The following SLC26A9 variants were observed in gnomAD, a reference collection of about 807,000 sequenced individuals.
The protein encoded by SLC26A9 is solute carrier family 26 member 9.
A neutral mutation model predicts 87.1 loss-of-function variants in SLC26A9; 46 were observed. That is an observed-to-expected ratio of 0.53 (90% CI 0.42 to 0.67). The LOEUF (loss-of-function observed/expected upper bound fraction) is 0.67. SLC26A9 is among the 30% of genes least tolerant of loss of function. The pLI is 0.00. For synonymous variants in SLC26A9, 437 were observed against 409.1 expected (o/e 1.07, Z -0.82); for missense variants, 927 against 1,018.3 (o/e 0.91, Z 1.22).
chr1:205,928,665 G>A (rs572742254), intron 8 of SLC26A9, among the ~76,000 whole-genome samples, 162 bp downstream of exon 8: 64 of 152,144 alleles, frequency 4.2e-4, no homozygotes, highest in Admixed American at 5.9e-4. Flanking sequence ...CTGGTTGTGC[G>A]GCCCTTCTCA....
chr1:205,926,521 T>C lies in SLC26A9; in HGVS notation c.1389+14A>G. The C allele has an allele frequency of 6.2e-7, 1 of 1,611,894 alleles. No individual in the cohort carries two copies. The highest frequency in any genetic ancestry group is 1.3e-5 in the African/African-American group (1 of 74,992). ...AGGGGCATGGCCAGTACCCAGAGGC[T>C]GCCCGATACTTACACAGTCCAGCTT... On this transcript the variant is annotated intron_variant, in intron 12 of 20. Transcript: ENST00000367135.
intron 5 of SLC26A9, 82 bp from the exon 6 acceptor site, chr1:205,930,138 G>A: frequency 2.1e-6 from 3 of 1,446,318 alleles, no homozygotes; most frequent in Non-Finnish European, 2.8e-6. Context: ...ACACACGCAG[G>A]TCTGGAGCTC....
chr1:205,934,157 A>G (rs1659418756), intron 2 of SLC26A9, among the ~76,000 whole-genome samples: 1 of 152,190 alleles, frequency 6.6e-6, no homozygotes, highest in Non-Finnish European at 1.5e-5. Context: ...CAACAAAGAC[A>G]ATGCTTTGTA....
intron 11 of SLC26A9, 100 bp from the exon 12 acceptor site, chr1:205,926,730 T>C: frequency 1.1e-6 from 1 of 931,628 alleles, no homozygotes; most frequent in South Asian, 1.4e-5. Flanking sequence ...AGAGACGGAG[T>C]TCTGGAACAC....
intron 2 of SLC26A9, among the ~76,000 whole-genome samples, chr1:205,934,078 G>C (rs7513587): frequency 0.011 from 1,662 of 152,268 alleles, 30 homozygotes; most frequent in African/African-American, 0.037. Flanking sequence ...ACCAATTCCT[G>C]CTCTTTGCTC....
chr1:205,928,133 G>T, intron 8 of SLC26A9, 84 bp from the exon 9 acceptor site: 3 of 1,498,470 alleles, frequency 2.0e-6, no homozygotes, highest in Non-Finnish European at 2.7e-6. Flanking sequence ...ACAGGGACCA[G>T]CCAGGCCCCC....
intron 12 of SLC26A9, chr1:205,924,765 C>A: frequency 2.6e-6 from 1 of 377,932 alleles, no homozygotes; most frequent in Non-Finnish European, 4.8e-6. Context: ...GAGCATGCAT[C>A]TTGGGTCAGA....
chr1:205,932,912 G>A (rs1434207462), intron 3 of SLC26A9, 33 bp downstream of exon 3: 3 of 1,612,216 alleles, frequency 1.9e-6, no homozygotes, highest in Non-Finnish European at 2.5e-6. Flanking sequence ...GAGGGGAGTG[G>A]CAATCCAGGC....
intron 5 of SLC26A9, among the ~76,000 whole-genome samples, chr1:205,931,465 G>GTTTTTTTTTTTTTTTTTTTTTTTT: frequency 1.0e-5 from 1 of 95,986 alleles, no homozygotes; most frequent in Non-Finnish European, 2.0e-5. Flanking sequence ...CCCTAACTTG[G>GTTTTTTTTTTTTTTTTTTTTTTTT]TTTTTTTTTT....
At chr1:205,932,159 T>A (rs11240596) in intron 4 of SLC26A9, 124 bp from the exon 5 acceptor site, 181,656 of 1,119,642 alleles carry the variant, frequency 0.16, 21,554 homozygotes, top group East Asian at 0.66. Flanking sequence ...AAGGCTCTTC[T>A]CCAACACAAT....
At chr1:205,929,707 T>C (rs1180812029) in intron 6 of SLC26A9, among the ~76,000 whole-genome samples, 185 bp downstream of exon 6, 1 of 152,166 alleles carries the variant, frequency 6.6e-6, no homozygotes, top group Non-Finnish European at 1.5e-5. Context: ...AGGGATTAAC[T>C]ACCAAGAACC....
intron 12 of SLC26A9, among the ~76,000 whole-genome samples, chr1:205,925,263 G>A (rs773647075): frequency 6.6e-6 from 1 of 152,192 alleles, no homozygotes; most frequent in Non-Finnish European, 1.5e-5. Flanking sequence ...AGCTGCGTGG[G>A]CCCTGACAGG....
intron 2 of SLC26A9, among the ~76,000 whole-genome samples, chr1:205,934,172 G>C (rs1659419176): frequency 6.6e-6 from 1 of 152,128 alleles, no homozygotes; most frequent in Admixed American, 6.5e-5. Flanking sequence ...TTTGTACCTT[G>C]GAAAGTCTGG....
At position 205,938,507 on chromosome 1, in the gene SLC26A9, T is replaced by G. The variant is rs543744222; in HGVS notation, c.-18-2669A>C. On this transcript the variant is annotated intron_variant, in intron 1 of 20. Coordinates refer to ENST00000367135, the MANE Select transcript of SLC26A9 (RefSeq NM_052934.4). Reference sequence around the variant, plus strand: ...CTCCTTATTTTGGCATTTTTGTTTTTTTATCCTCTGGCCTTGTATTGGTGG... The same window carrying G: ...CTCCTTATTTTGGCATTTTTGTTTTGTTATCCTCTGGCCTTGTATTGGTGG... Among the ~76,000 whole-genome samples the G allele has an allele frequency of 1.1e-4, 16 of 152,304 alleles. 1 individual carries two copies. The East Asian group carries it at 2.9e-3, about 28-fold the overall frequency.
intron 5 of SLC26A9, among the ~76,000 whole-genome samples, chr1:205,931,433 T>A (rs906879073): frequency 7.0e-6 from 1 of 142,610 alleles, no homozygotes; most frequent in Non-Finnish European, 1.5e-5. Flanking sequence ...AGCCCTGGGA[T>A]GGGGAGGAGG....
At chr1:205,935,892 GC>G (rs1271805253) in intron 1 of SLC26A9, 54 bp from the exon 2 acceptor site, 22 of 1,538,268 alleles carry the variant, frequency 1.4e-5, no homozygotes, top group Non-Finnish European at 1.8e-5. Flanking sequence ...CCTAGTGCCA[GC>G]CCAGGCCTTC....
At chr1:205,933,539 CCA>C (rs1659392388) in intron 2 of SLC26A9, among the ~76,000 whole-genome samples, 1 of 152,216 alleles carries the variant, frequency 6.6e-6, no homozygotes, top group African/African-American at 2.4e-5. Context: ...GCAGCAAACC[CCA>C]CCACGCATGG....
intron 6 of SLC26A9, among the ~76,000 whole-genome samples, 196 bp downstream of exon 6, chr1:205,929,696 C>T (rs1659228852): frequency 6.6e-6 from 1 of 152,168 alleles, no homozygotes; most frequent in South Asian, 2.1e-4. Context: ...CTCTTTTCTG[C>T]AGGGATTAAC....
chr1:205,928,978 T>A, intron 7 of SLC26A9, 69 bp from the exon 8 acceptor site: 1 of 1,568,648 alleles, frequency 6.4e-7, no homozygotes, highest in Non-Finnish European at 8.8e-7. Flanking sequence ...CTCTCTCAAG[T>A]CTCCCTTTTC....
Sources: gnomAD v4.1 joint callset for allele counts (sites outside exome capture counted in the v4.1 genomes callset) on GRCh38, gnomAD v4.1.1 for gene constraint, MANE v1.5 for transcripts, NCBI Gene and HGNC (gene_info 2026-07-23, HGNC 2026-07-21) for gene names.